Variants in SMPD3 observed in about 807,000 individuals in gnomAD.
SMPD3 encodes the protein nSMase-2.
Under a neutral mutation model 55.7 loss-of-function variants are expected in SMPD3, and 21 were observed. That is an observed-to-expected ratio of 0.38 (90% CI 0.27 to 0.54). The LOEUF is 0.54. SMPD3 is among the 20% of genes least tolerant of loss of function. The pLI, the probability that SMPD3 is intolerant of heterozygous loss-of-function variation, is 0.80. For missense variants in SMPD3, 842 were observed against 899.6 expected (o/e 0.94, Z 0.82); for synonymous variants, 457 against 404.3 (o/e 1.13, Z -1.56).
intron 1 of SMPD3, among the ~76,000 whole-genome samples, chr16:68,387,542 C>CTGGA (rs2152002182): frequency 6.6e-6 from 1 of 152,306 alleles, no homozygotes; most frequent in East Asian, 1.9e-4. Context: ...GCTCTCTGAG[C>CTGGA]CCGTTGGCCC....
intron 2 of SMPD3, among the ~76,000 whole-genome samples, chr16:68,378,529 C>T (rs1347257953): frequency 1.3e-5 from 2 of 152,146 alleles, no homozygotes; most frequent in African/African-American, 2.4e-5. Context: ...ATCCAAAGCA[C>T]CTGCCTCCTT....
At chr16:68,423,238 G>GA (rs2090410113) in intron 1 of SMPD3, among the ~76,000 whole-genome samples, 1 of 152,176 alleles carries the variant, frequency 6.6e-6, no homozygotes, top group Non-Finnish European at 1.5e-5. Context: ...ACCTTGCTCT[G>GA]AGTAGCTGAA....
Position 68,448,362 on chromosome 16 carries a change from CG to C in SMPD3, c.-279del, listed in dbSNP as rs1000154444. On this transcript the variant is annotated 5_prime_UTR_variant, in exon 1 of 9. Coordinates refer to ENST00000219334, the MANE Select transcript of SMPD3 (RefSeq NM_018667.4). Reference sequence around the variant, plus strand: ...ATTCAGCAGCACTGACCTCTGACGGCGGGCGGGAGGGCGGTCAGCGCCCGGC... The same window carrying C: ...ATTCAGCAGCACTGACCTCTGACGGCGGCGGGAGGGCGGTCAGCGCCCGGC... 4 of 152,200 alleles carry C rather than the reference CG, an allele frequency of 2.6e-5. No individual in the cohort carries two copies. The highest frequency in any genetic ancestry group is 9.7e-5 in the African/African-American group (4 of 41,450). 9.4% of individuals were successfully genotyped at this position (152,200 alleles called of 1,614,324 possible). A position where few individuals can be genotyped will look rare whatever the true frequency, so the allele number is the denominator to read the frequency against.
chr16:68,413,784 A>T (rs534595142), intron 1 of SMPD3, among the ~76,000 whole-genome samples: 18 of 152,226 alleles, frequency 1.2e-4, no homozygotes, highest in Non-Finnish European at 2.5e-4. Flanking sequence ...TTTAATGGGT[A>T]GAGCATGGGC....
At chr16:68,373,144 C>A (rs1251333927) in intron 2 of SMPD3, among the ~76,000 whole-genome samples, 1 of 152,238 alleles carries the variant, frequency 6.6e-6, no homozygotes, top group Non-Finnish European at 1.5e-5. Context: ...TTTGGAGAAG[C>A]TCCCTGGGGC....
chr16:68,393,324 A>G (rs1399848318), intron 1 of SMPD3, among the ~76,000 whole-genome samples: 1 of 152,146 alleles, frequency 6.6e-6, no homozygotes, highest in Non-Finnish European at 1.5e-5. Flanking sequence ...GAATCGCTTG[A>G]ACCCAGGAGG....
chr16:68,445,643 C>G (rs1029531838), intron 1 of SMPD3, among the ~76,000 whole-genome samples: 1 of 152,224 alleles, frequency 6.6e-6, no homozygotes, highest in African/African-American at 2.4e-5. Flanking sequence ...CTCTTTCCAG[C>G]AGAGGTCGCT....
chr16:68,419,606 C>T (rs1168243960), intron 1 of SMPD3, among the ~76,000 whole-genome samples: 1 of 152,218 alleles, frequency 6.6e-6, no homozygotes, highest in Non-Finnish European at 1.5e-5. Context: ...AAGAGAAAAA[C>T]CATGTACTTC....
At chr16:68,401,336 T>G (rs938485907) in intron 1 of SMPD3, among the ~76,000 whole-genome samples, 1 of 152,182 alleles carries the variant, frequency 6.6e-6, no homozygotes, top group African/African-American at 2.4e-5. Context: ...CTGGAGGTTT[T>G]CTGAGCCAAT....
chr16:68,372,338 A>G lies in SMPD3; in HGVS notation c.-157T>C. On this transcript the variant is annotated 5_prime_UTR_variant, in exon 3 of 9. Coordinates refer to ENST00000219334, the MANE Select transcript of SMPD3 (RefSeq NM_018667.4). ...GGCTGGTCAATGGCGAATGTTGGCC[A>G]GCCGGTCATGGTTCACCTCGGTGGG... 1.0e-6 allele frequency: 1 copy of G among 990,816 alleles called. No homozygotes were observed. Among genetic ancestry groups the G allele is most frequent in the South Asian group, 1.6e-5 (1 of 62,502 alleles). 61.4% of individuals were successfully genotyped at this position (990,816 alleles called of 1,614,324 possible). A position where few individuals can be genotyped will look rare whatever the true frequency, so the allele number is the denominator to read the frequency against.
chr16:68,371,167 G>C lies in SMPD3; in HGVS notation c.1015C>G (p.Arg339Gly). 2 of 1,613,198 alleles carry C rather than the reference G, an allele frequency of 1.2e-6. No individual in the cohort carries two copies. The highest frequency in any genetic ancestry group is 1.7e-6 in the Non-Finnish European group (2 of 1,179,922). ...TGGTCGAAGGCCTCGTCGGGGTGCCGCCTCCTGCGTGCAGCCGCCTTCTTC... is the reference window on the plus strand; with the variant it reads ...TGGTCGAAGGCCTCGTCGGGGTGCCCCCTCCTGCGTGCAGCCGCCTTCTTC... ...VVKKAAARRR[R>G]HPDEAFDHEV... The change falls in exon 3 of 9, where the codon CGG becomes GGG. Residue 339 changes from arginine to glycine, a missense_variant. Physicochemically the swap from Arg to Gly is moderately radical, Grantham distance 125 (BLOSUM62 -2). Coordinates refer to ENST00000219334, the MANE Select transcript of SMPD3 (RefSeq NM_018667.4).
chr16:68,363,600 G>T, intron 6 of SMPD3, 41 bp from the exon 7 acceptor site: 1 of 1,590,928 alleles, frequency 6.3e-7, no homozygotes. Flanking sequence ...CTGCAGGCAG[G>T]GCCCAGGCAG....
At chr16:68,437,492 C>T (rs961462494) in intron 1 of SMPD3, among the ~76,000 whole-genome samples, 8 of 152,150 alleles carry the variant, frequency 5.3e-5, no homozygotes, top group African/African-American at 1.9e-4. Flanking sequence ...AGGTCTTATC[C>T]CTGGACAACT....
At chr16:68,428,397 T>A (rs2090453483) in intron 1 of SMPD3, among the ~76,000 whole-genome samples, 1 of 152,152 alleles carries the variant, frequency 6.6e-6, no homozygotes, top group Non-Finnish European at 1.5e-5. Flanking sequence ...GGTTTACAAA[T>A]TGAATGCATC....
At chr16:68,364,080 G>A (rs763912846) in intron 5 of SMPD3, among the ~76,000 whole-genome samples, 4 of 152,140 alleles carry the variant, frequency 2.6e-5, no homozygotes, top group Non-Finnish European at 4.4e-5. Context: ...CCCAGCACAC[G>A]CCCTGATCTT....
chr16:68,369,579 T>A (rs1314396690), intron 3 of SMPD3: 1 of 152,194 alleles, frequency 6.6e-6, no homozygotes, highest in East Asian at 1.9e-4. Context: ...AGAAAGTCAC[T>A]CTAGCTGTCG....
In SMPD3 at chr16:68,363,829, G is replaced by A; in HGVS notation, c.1593C>T (p.His531=). The change falls in exon 6 of 9, where the codon CAC becomes CAT. Residue 531 remains histidine, a synonymous_variant. Coordinates refer to ENST00000219334, the MANE Select transcript of SMPD3 (RefSeq NM_018667.4). The part of the protein sequence containing the change: ...KLEQQHSLFT[H]YRDPCRLGPG... Reference sequence around the variant, plus strand: ...GCCCCAGGCGGCAGGGGTCCCTGTAGTGGGTGAACAGGGAGTGTTGCTGCT... The same window carrying A: ...GCCCCAGGCGGCAGGGGTCCCTGTAATGGGTGAACAGGGAGTGTTGCTGCT... The A allele has an allele frequency of 6.4e-7, 1 of 1,571,508 alleles. No individual in the cohort carries two copies. Among genetic ancestry groups the A allele is most frequent in the African/African-American group, 1.3e-5 (1 of 74,298 alleles).
At position 68,371,593 on chromosome 16, in the gene SMPD3, C is replaced by G. The variant is rs765989684; in HGVS notation, c.589G>C (p.Ala197Pro). 19 of 1,573,852 alleles carry G rather than the reference C, an allele frequency of 1.2e-5. No individual in the cohort carries two copies. The highest frequency in any genetic ancestry group is 1.6e-5 in the Non-Finnish European group (18 of 1,160,394). ...LVSPQGGDGV[A>P]RAVPGSIKRT... ...TTAATGCTCCCGGGGACGGCCCGGG[C>G]CACCCCATCGCCGCCCTGTGGTGAC... The change falls in exon 3 of 9, where the codon GCC becomes CCC. Residue 197 changes from alanine to proline, a missense_variant. Transcript: ENST00000219334.
In SMPD3 at chr16:68,404,053, C is replaced by T; in HGVS notation, c.-268-17394G>A. ...TTTTCTTTCTTTCTTTATTCTTTGA[C>T]AGGGTCTCATTCTGTGCAGTGGTGC... On this transcript the variant is annotated intron_variant, in intron 1 of 8. Coordinates refer to ENST00000219334, the MANE Select transcript of SMPD3 (RefSeq NM_018667.4). This position sits in a 1 kb window ranked among gnomAD's most constrained non-coding sequence, Gnocchi z 4.0. 6.6e-6 allele frequency among the ~76,000 whole-genome samples: 1 copy of T among 152,030 alleles called. No homozygotes were observed. Among genetic ancestry groups the T allele is most frequent in the East Asian group, 1.9e-4 (1 of 5,194 alleles).
Sources: gnomAD v4.1 joint callset for allele counts (sites outside exome capture counted in the v4.1 genomes callset) on GRCh38, gnomAD v4.1.1 for gene constraint, Gnocchi (gnomAD v3.1) non-coding constraint, MANE v1.5 for transcripts, NCBI Gene and HGNC (gene_info 2026-07-23, HGNC 2026-07-21) for gene names.